RAD51B: variants seen among roughly 807,000 people sequenced by gnomAD.
The protein encoded by RAD51B is DNA repair protein RAD51 homolog 2.
In RAD51B, 38 loss-of-function variants were observed where a neutral mutation model predicts 42.2. The ratio of observed to expected loss-of-function variants is 0.90; its 90% CI spans 0.70 to 1.18. The LOEUF (loss-of-function observed/expected upper bound fraction) is 1.18, where lower values mean the gene tolerates loss of function less well. RAD51B is among the 50% of genes most tolerant of loss of function. RAD51B has a pLI of 0.00. For missense variants in RAD51B, 373 were observed against 400.7 expected (o/e 0.93, Z 0.59); for synonymous variants, 154 against 145.2 (o/e 1.06, Z -0.43).
chr14:67,901,333 G>A lies in RAD51B; in HGVS notation c.756+14129G>A, dbSNP rs184932214. ...AAGGACATTTAGGTTGACTTATTGC[G>A]CCTGTGCCTAAGTTGGGATGGTCCC... is the stretch of plus-strand genomic sequence containing the variant. On this transcript the variant is annotated intron_variant, in intron 7 of 10. Coordinates refer to ENST00000471583, the MANE Select transcript of RAD51B (RefSeq NM_133510.4). Among the ~76,000 whole-genome samples, 8 of 152,300 alleles carry A rather than the reference G, an allele frequency of 5.3e-5. 1 individual carries two copies. The highest frequency in any genetic ancestry group is 4.1e-4 in the South Asian group (2 of 4,824).
intron 7 of RAD51B, among the ~76,000 whole-genome samples, chr14:67,893,865 A>G (rs1370462302): frequency 1.3e-5 from 2 of 152,086 alleles, no homozygotes; most frequent in East Asian, 3.9e-4. Flanking sequence ...TACCTCTTCA[A>G]TTTAAACCCT....
intron 7 of RAD51B, among the ~76,000 whole-genome samples, chr14:68,095,966 C>T (rs1397667088): frequency 3.6e-5 from 4 of 112,274 alleles, no homozygotes; most frequent in Admixed American, 3.1e-4. Context: ...AGTGAGACTC[C>T]GTCTCAAAAA....
chr14:68,480,907 T>C (rs138811492), downstream of RAD51B, among the ~76,000 whole-genome samples: 227 of 152,336 alleles, frequency 1.5e-3, no homozygotes, highest in Middle Eastern at 3.4e-3. Flanking sequence ...TGCACCCTAT[T>C]TCCAGCTATC....
At chr14:68,075,984 G>A (rs541722093) in intron 7 of RAD51B, among the ~76,000 whole-genome samples, 1 of 152,370 alleles carries the variant, frequency 6.6e-6, no homozygotes, top group South Asian at 2.1e-4. Context: ...GAATTGTTCA[G>A]GCCAGGCCGA....
chr14:68,060,362 A>G (rs1240245512), intron 7 of RAD51B, among the ~76,000 whole-genome samples: 1 of 152,186 alleles, frequency 6.6e-6, no homozygotes, highest in Non-Finnish European at 1.5e-5. Context: ...AGCACAGGAA[A>G]GATAGATTGC....
chr14:68,035,468 G>A (rs1003100214), intron 7 of RAD51B, among the ~76,000 whole-genome samples: 2 of 152,108 alleles, frequency 1.3e-5, no homozygotes, highest in African/African-American at 4.8e-5. Flanking sequence ...AGTTTTGAGT[G>A]CTAATATGCA....
intron 10 of RAD51B, among the ~76,000 whole-genome samples, chr14:68,549,285 A>G (rs113671762): frequency 0.01 from 1,551 of 151,886 alleles, 16 homozygotes; most frequent in Non-Finnish European, 0.015. Context: ...GGAGGGCACA[A>G]CTCACATTTC....
intron 8 of RAD51B, among the ~76,000 whole-genome samples, chr14:68,314,125 C>T (rs919555523): frequency 6.6e-6 from 1 of 152,204 alleles, no homozygotes; most frequent in Non-Finnish European, 1.5e-5. Flanking sequence ...CAGAGTCATT[C>T]TCTCTTCAGA....
chr14:67,854,883 T>C (rs908178183), intron 4 of RAD51B, among the ~76,000 whole-genome samples: 1 of 152,110 alleles, frequency 6.6e-6, no homozygotes, highest in South Asian at 2.1e-4. Context: ...GGAGGATCAC[T>C]TGAGCCAGGA....
chr14:68,227,141 G>A (rs535444537), intron 7 of RAD51B, among the ~76,000 whole-genome samples: 1 of 152,296 alleles, frequency 6.6e-6, no homozygotes, highest in South Asian at 2.1e-4. Flanking sequence ...CAGAGATGGA[G>A]AAACAAAAGA....
intron 7 of RAD51B, among the ~76,000 whole-genome samples, chr14:68,209,192 C>T (rs978196471): frequency 6.6e-6 from 1 of 152,194 alleles, no homozygotes. Flanking sequence ...AACAATTCCA[C>T]TCTAGCACTC....
chr14:67,930,980 G>C (rs2044710384), intron 7 of RAD51B, among the ~76,000 whole-genome samples: 1 of 150,812 alleles, frequency 6.6e-6, no homozygotes, highest in African/African-American at 2.5e-5. Context: ...GAGTGCAGTG[G>C]TGCGATCTCA....
At chr14:68,515,569 C>T (rs1387961820) in intron 10 of RAD51B, among the ~76,000 whole-genome samples, 1 of 149,560 alleles carries the variant, frequency 6.7e-6, no homozygotes, top group Non-Finnish European at 1.5e-5. Context: ...CAGCCTCAGT[C>T]TCTCAAGTTG....
chr14:68,138,083 G>A (rs2078047748), intron 7 of RAD51B, among the ~76,000 whole-genome samples: 1 of 152,156 alleles, frequency 6.6e-6, no homozygotes, highest in Non-Finnish European at 1.5e-5. Flanking sequence ...CTAGCTTACA[G>A]ACCCAAGAAG....
At chr14:67,970,997 C>G (rs900311390) in intron 7 of RAD51B, among the ~76,000 whole-genome samples, 2 of 152,028 alleles carry the variant, frequency 1.3e-5, no homozygotes, top group Admixed American at 1.3e-4. Context: ...CATCTGTGGA[C>G]TATTCTGTTA....
downstream of RAD51B, among the ~76,000 whole-genome samples, chr14:68,481,761 T>C (rs368067269): frequency 1.3e-5 from 2 of 152,200 alleles, no homozygotes; most frequent in East Asian, 1.9e-4. Context: ...CCCTGTAATA[T>C]TTCTGTTCAC....
chr14:68,406,773 A>G (rs2084286835), intron 8 of RAD51B, among the ~76,000 whole-genome samples: 1 of 152,240 alleles, frequency 6.6e-6, no homozygotes, highest in Non-Finnish European at 1.5e-5. Flanking sequence ...AAATACAAAC[A>G]TTGCATAGCT....
Position 68,468,253 on chromosome 14 carries a change from A to G in RAD51B, c.1036+3A>G, listed in dbSNP as rs2086035113. 1 of 1,610,992 alleles carries G rather than the reference A, an allele frequency of 6.2e-7. No homozygotes were observed. ...GGAGGAAGGCCTGGTTCTTCAAGGT[A>G]AGATCCTTGGATTAAGCCATTTCTT... On this transcript the variant is annotated splice_donor_region_variant and intron_variant, in intron 10 of 10. Transcript: ENST00000471583.
intron 10 of RAD51B, among the ~76,000 whole-genome samples, chr14:68,473,352 C>T (rs1264439552): frequency 1.3e-5 from 2 of 152,210 alleles, no homozygotes; most frequent in Admixed American, 6.5e-5. Flanking sequence ...ACTGCAGCCT[C>T]GGAAAGTTTG....
Sources: gnomAD v4.1 joint callset for allele counts (sites outside exome capture counted in the v4.1 genomes callset) on GRCh38, gnomAD v4.1.1 for gene constraint, MANE v1.5 for transcripts, NCBI Gene and HGNC (gene_info 2026-07-23, HGNC 2026-07-21) for gene names.